Variants in UNC13C observed in about 807,000 individuals in gnomAD.
UNC13C encodes unc-13 homolog C, also known as protein unc-13 homolog C.
Under a neutral mutation model 245.4 loss-of-function variants are expected in UNC13C, and 174 were observed. The observed-to-expected ratio is 0.71, with a 90% CI of 0.63 to 0.80. The LOEUF is 0.80. UNC13C is among the 30% of genes least tolerant of loss of function. The probability of loss-of-function intolerance (pLI) is 0.00; values close to 1 mark genes in which losing one functional copy is unlikely to be tolerated. For synonymous variants in UNC13C, 992 were observed against 895.1 expected (o/e 1.11, Z -1.93); for missense variants, 2,829 against 2,602.9 (o/e 1.09, Z -1.89).
intron 4 of UNC13C, among the ~76,000 whole-genome samples, chr15:54,155,428 G>A (rs1474993087): frequency 1.3e-5 from 2 of 152,162 alleles, no homozygotes; most frequent in Non-Finnish European, 2.9e-5. Flanking sequence ...TTCAAGGAAT[G>A]TGGAAATGAG....
intron 1 of UNC13C, among the ~76,000 whole-genome samples, chr15:54,006,486 A>T (rs1302403326): frequency 6.6e-6 from 1 of 150,444 alleles, no homozygotes; most frequent in Non-Finnish European, 1.5e-5. Flanking sequence ...TTTGCCTTAA[A>T]GTAAGGCAAA....
rs1475211742 is a variant in UNC13C at position 54,500,925 on chromosome 15, C to T, written c.5248C>T (p.Leu1750=). 3 of 1,612,998 alleles carry T rather than the reference C, an allele frequency of 1.9e-6. No individual in the cohort carries two copies. The highest frequency in any genetic ancestry group is 2.5e-6 in the Non-Finnish European group (3 of 1,179,260). The part of the protein sequence containing the change: ...LNQSFEIIKK[L]ECPNPEALSH... ...TCAGAGCTTTGAAATTATTAAGAAACTGGAATGCCCTAATCCTGAAGCATT... is the reference window on the plus strand; with the variant it reads ...TCAGAGCTTTGAAATTATTAAGAAATTGGAATGCCCTAATCCTGAAGCATT... The change falls in exon 22 of 33, where the codon CTG becomes TTG. Residue 1750 remains leucine (L), a synonymous_variant. Transcript: ENST00000260323.
chr15:54,405,721 T>C (rs559360053), intron 18 of UNC13C, among the ~76,000 whole-genome samples: 3 of 152,270 alleles, frequency 2.0e-5, no homozygotes, highest in African/African-American at 7.2e-5. Context: ...GTTTCTCCTT[T>C]CATTTCCAGT....
At chr15:54,283,556 A>G (rs558712663) in intron 10 of UNC13C, among the ~76,000 whole-genome samples, 6 of 152,098 alleles carry the variant, frequency 3.9e-5, no homozygotes, top group Non-Finnish European at 5.9e-5. Context: ...AGAATGTATT[A>G]TATTTTATAT....
chr15:54,322,043 C>T lies in UNC13C; in HGVS notation c.4373C>T (p.Ser1458Leu). The T allele has an allele frequency of 6.3e-7, 1 of 1,591,192 alleles. No homozygotes were observed. Among genetic ancestry groups the T allele is most frequent in the Non-Finnish European group, 8.6e-7 (1 of 1,167,606 alleles). The change falls in exon 14 of 33, where the codon TCA becomes TTA. Residue 1458 changes from serine (S) to leucine (L), a missense_variant. Ser to Leu is a moderately radical substitution (Grantham distance 145, BLOSUM62 -2). Coordinates refer to ENST00000260323, the MANE Select transcript of UNC13C (RefSeq NM_001080534.3). Reference protein sequence around the residue: ...INAFYAHTTVSTNIQVSASDR... With the variant: ...INAFYAHTTVLTNIQVSASDR... ...GCTTTTTATGCTCACACAACAGTTT[C>T]AACAAACATACAGGTTTCTGCCTCA... is the stretch of plus-strand genomic sequence containing the variant.
intron 2 of UNC13C, among the ~76,000 whole-genome samples, chr15:54,021,989 C>T (rs907496702): frequency 1.1e-4 from 17 of 152,086 alleles, no homozygotes; most frequent in Admixed American, 4.6e-4. Context: ...ATACCATTTA[C>T]GTTTGTCTAA....
intron 13 of UNC13C, among the ~76,000 whole-genome samples, chr15:54,318,868 A>T (rs115088280): frequency 0.016 from 2,493 of 152,026 alleles, 79 homozygotes; most frequent in African/African-American, 0.058. Context: ...CACTTATAAA[A>T]ATCATCCTGT....
At chr15:54,253,681 A>T (rs2036209671) in intron 8 of UNC13C, among the ~76,000 whole-genome samples, 1 of 152,192 alleles carries the variant, frequency 6.6e-6, no homozygotes, top group African/African-American at 2.4e-5. Flanking sequence ...CGTTAACATA[A>T]CGTGTAAGGA....
At chr15:54,567,562 G>C (rs1280747921) in intron 29 of UNC13C, among the ~76,000 whole-genome samples, 1 of 152,168 alleles carries the variant, frequency 6.6e-6, no homozygotes, top group Non-Finnish European at 1.5e-5. Flanking sequence ...TTGCATAAGA[G>C]ATAAAGGCTT....
chr15:54,012,993 C>G lies in UNC13C; in HGVS notation c.90C>G (p.Asn30Lys). Reference sequence around the variant, plus strand: ...TTACAAAGAAATTGGGAAATACAAACAAAAACAAAGAGTATCGTCAGCAGA... The same window carrying G: ...TTACAAAGAAATTGGGAAATACAAAGAAAAACAAAGAGTATCGTCAGCAGA... ...GMFTKKLGNT[N>K]KNKEYRQQKK... Residue 30 changes from asparagine to lysine, a missense_variant, in exon 2 of 33, where the codon AAC (asparagine) becomes AAG (lysine). Coordinates refer to ENST00000260323, the MANE Select transcript of UNC13C (RefSeq NM_001080534.3). 6.2e-7 allele frequency: 1 copy of G among 1,613,766 alleles called. No homozygotes were observed. The highest frequency in any genetic ancestry group is 8.5e-7 in the Non-Finnish European group (1 of 1,179,780).
At chr15:54,169,915 T>A (rs1431839763) in intron 4 of UNC13C, among the ~76,000 whole-genome samples, 1 of 152,132 alleles carries the variant, frequency 6.6e-6, no homozygotes, top group South Asian at 2.1e-4. Flanking sequence ...CTATCTTTTA[T>A]GTGATAATGC....
At chr15:54,585,034 G>A (rs896741679) in intron 30 of UNC13C, among the ~76,000 whole-genome samples, 1 of 152,160 alleles carries the variant, frequency 6.6e-6, no homozygotes, top group African/African-American at 2.4e-5. Context: ...GACTACCATT[G>A]GTTATCCGAT....
intron 4 of UNC13C, among the ~76,000 whole-genome samples, chr15:54,159,657 A>G (rs1167245044): frequency 6.6e-6 from 1 of 152,186 alleles, no homozygotes; most frequent in Non-Finnish European, 1.5e-5. Context: ...CATTGGAACT[A>G]GTGGGTCAAG....
chr15:54,172,740 A>G (rs1287546336), intron 4 of UNC13C, among the ~76,000 whole-genome samples: 2 of 74,000 alleles, frequency 2.7e-5, no homozygotes, highest in Non-Finnish European at 5.2e-5. Context: ...ATATATATAT[A>G]TATATATATA....
At position 54,014,649 on chromosome 15, in the gene UNC13C, G is replaced by A. The variant is rs377052322; in HGVS notation, c.1746G>A (p.Ser582=). The part of the protein sequence containing the change: ...RTNGSSLLSS[S]DRELWQRKQE... ...ATGGAAGCTCTCTCCTGTCATCTTC[G>A]GACCGGGAGCTATGGCAGAGGAAAC... is the stretch of plus-strand genomic sequence containing the variant. Residue 582 remains serine, a synonymous_variant, in exon 2 of 33, where the codon TCG becomes TCA. Transcript: ENST00000260323. The A allele has an allele frequency of 2.3e-5, 37 of 1,613,584 alleles. 1 individual carries two copies. The Middle Eastern group carries it at 5.0e-4, about 22-fold the overall frequency.
intron 1 of UNC13C, among the ~76,000 whole-genome samples, chr15:53,979,184 T>A (rs1893824045): frequency 6.6e-6 from 1 of 152,198 alleles, no homozygotes; most frequent in Non-Finnish European, 1.5e-5. Context: ...CAGTCAACTT[T>A]CAGGAGAATA....
chr15:54,537,828 A>T (rs1165580468), intron 26 of UNC13C, among the ~76,000 whole-genome samples: 2 of 152,112 alleles, frequency 1.3e-5, no homozygotes, highest in Admixed American at 1.3e-4. Flanking sequence ...ACTGTATACA[A>T]AAATCAACTC....
chr15:53,909,867 A>G, the UNC13C span, among the ~76,000 whole-genome samples: 138 of 147,082 alleles, frequency 9.4e-4, 10 homozygotes, highest in Middle Eastern at 3.5e-3. Context: ...AACACATTGT[A>G]CAGGGAACCA....
At chr15:54,455,636 TG>T (rs1046670734) in intron 19 of UNC13C, among the ~76,000 whole-genome samples, 27 of 152,068 alleles carry the variant, frequency 1.8e-4, no homozygotes, top group African/African-American at 6.5e-4. Context: ...TTTTCATGTT[TG>T]TTGGCCATTT....
Sources: gnomAD v4.1 joint callset for allele counts (sites outside exome capture counted in the v4.1 genomes callset) on GRCh38, gnomAD v4.1.1 for gene constraint, MANE v1.5 for transcripts, NCBI Gene and HGNC (gene_info 2026-07-23, HGNC 2026-07-21) for gene names.